ITSN2: variants seen among roughly 807,000 people sequenced by gnomAD.
ITSN2 encodes the protein intersectin-2.
In ITSN2, 156 loss-of-function variants were observed where a neutral mutation model predicts 243.7. The ratio of observed to expected loss-of-function variants is 0.64; its 90% CI spans 0.56 to 0.73. The LOEUF (loss-of-function observed/expected upper bound fraction) is 0.73. ITSN2 is among the 30% of genes least tolerant of loss of function. The pLI is 0.00. For missense variants in ITSN2, 1,801 were observed against 1,996.1 expected (o/e 0.90, Z 1.86); for synonymous variants, 703 against 699.9 (o/e 1.00, Z -0.07).
At chr2:24,214,065 A>T (rs1309246883) in intron 32 of ITSN2, among the ~76,000 whole-genome samples, 2 of 152,268 alleles carry the variant, frequency 1.3e-5, no homozygotes, top group African/African-American at 4.8e-5. Flanking sequence ...GCCTCTGGTC[A>T]CACAATTAGA....
At chr2:24,232,689 C>G (rs548440980) in intron 29 of ITSN2, among the ~76,000 whole-genome samples, 1 of 152,326 alleles carries the variant, frequency 6.6e-6, no homozygotes, top group South Asian at 2.1e-4. Context: ...GCTCTGACCC[C>G]TGCTCTATAA....
intron 1 of ITSN2, among the ~76,000 whole-genome samples, chr2:24,347,578 C>A (rs951241491): frequency 2.0e-5 from 3 of 152,004 alleles, no homozygotes; most frequent in African/African-American, 7.2e-5. Context: ...CCCAGCTACT[C>A]GGTAGGCTGA....
Position 24,204,031 on chromosome 2 carries a change from G to A in ITSN2, c.4936+214C>T, listed in dbSNP as rs564690579. On this transcript the variant is annotated intron_variant, in intron 39 of 39. Transcript: ENST00000355123. The surrounding 1 kb of genome is among the most constrained non-coding windows in gnomAD (Gnocchi z 5.1). Reference sequence around the variant, plus strand: ...CAGGAGTGGTGTTCACGTCGTGTGTGTAGGGAGTGATGGGTCAAAGACCTG... The same window carrying A: ...CAGGAGTGGTGTTCACGTCGTGTGTATAGGGAGTGATGGGTCAAAGACCTG... 2 of 632,728 alleles carry A rather than the reference G, an allele frequency of 3.2e-6. No homozygotes were observed. Among genetic ancestry groups the A allele is most frequent in the East Asian group, 5.5e-5 (2 of 36,406 alleles). The allele number at this position is 632,728 out of a possible 1,614,324, so 39.2% of individuals were successfully genotyped here. A position where few individuals can be genotyped will look rare whatever the true frequency, so the allele number is the denominator to read the frequency against.
chr2:24,231,012 A>ACCCCC (rs74277507), intron 29 of ITSN2, among the ~76,000 whole-genome samples: 148,965 of 152,152 alleles, frequency 0.98, 72,923 homozygotes, highest in East Asian at 0.99. Flanking sequence ...CAGGTGCAAA[A>ACCCCC]TCTGCCCAGA....
chr2:24,346,775 A>T (rs1045226313), intron 1 of ITSN2, among the ~76,000 whole-genome samples: 1 of 152,172 alleles, frequency 6.6e-6, no homozygotes, highest in African/African-American at 2.4e-5. Context: ...CCTCAGAAGT[A>T]GAAGAGTATA....
At chr2:24,293,813 ATAATATTGT>A (rs778509537) in intron 14 of ITSN2, 38 bp from the exon 15 acceptor site, 6 of 627,264 alleles carry the variant, frequency 9.6e-6, no homozygotes, top group African/African-American at 1.9e-5. Context: ...TTACAATGTT[ATAATATTGT>A]CCAAGAGTTT....
chr2:24,247,425 T>C (rs1297677648), intron 27 of ITSN2, among the ~76,000 whole-genome samples: 3 of 152,182 alleles, frequency 2.0e-5, no homozygotes, highest in Non-Finnish European at 4.4e-5. Flanking sequence ...TATCCTTTCA[T>C]TGCAATAAAC....
intron 1 of ITSN2, among the ~76,000 whole-genome samples, chr2:24,338,609 T>G (rs1318904888): frequency 6.6e-6 from 1 of 152,236 alleles, no homozygotes; most frequent in African/African-American, 2.4e-5. Context: ...AAGATGAAAT[T>G]TACAGAATAC....
chr2:24,310,254 T>C (rs1683089008), intron 7 of ITSN2, 30 bp downstream of exon 7: 3 of 1,397,284 alleles, frequency 2.1e-6, no homozygotes, highest in South Asian at 1.2e-5. Flanking sequence ...ACTGAAAGCA[T>C]AAAAAGTTGT....
chr2:24,354,835 C>CCCTA (rs1558675592), intron 1 of ITSN2, among the ~76,000 whole-genome samples: 3 of 152,066 alleles, frequency 2.0e-5, no homozygotes, highest in African/African-American at 7.2e-5. Flanking sequence ...AAATGTTTAC[C>CCCTA]GTCTGGTAAT....
At position 24,247,578 on chromosome 2, in the gene ITSN2, AGCCTTTC is replaced by A. The variant is rs558957080; in HGVS notation, c.3289-692_3289-686del. Among the ~76,000 whole-genome samples the A allele has an allele frequency of 7.2e-5, 11 of 152,328 alleles. 1 individual carries two copies. In the South Asian group the frequency reaches 2.3e-3, roughly 32 times the overall value. On this transcript the variant is annotated intron_variant, in intron 27 of 39. Transcript: ENST00000355123. Reference sequence around the variant, plus strand: ...TCTTGGGGGCCTCGAACTCAGCATTAGCCTTTCAAGTAAACATTAAACAACTGGAAGA... The same window carrying A: ...TCTTGGGGGCCTCGAACTCAGCATTAAAGTAAACATTAAACAACTGGAAGA...
intron 1 of ITSN2, among the ~76,000 whole-genome samples, chr2:24,349,384 G>A (rs940534601): frequency 3.9e-4 from 59 of 152,212 alleles, no homozygotes; most frequent in African/African-American, 1.3e-3. Context: ...TATTTAATTT[G>A]AGTGGTCATA....
At chr2:24,356,222 G>T (rs1406459162) in intron 1 of ITSN2, among the ~76,000 whole-genome samples, 1 of 145,752 alleles carries the variant, frequency 6.9e-6, no homozygotes, top group Non-Finnish European at 1.5e-5. Flanking sequence ...AAAAATAGCT[G>T]GACGTGGTGG....
Position 24,300,020 on chromosome 2 carries a change from T to C in ITSN2, c.1233A>G (p.Leu411=), listed in dbSNP as rs1681517618. ...GTTGTTTCTTCCATTCTTGTTCTTGTAATTCTCTCTGTTTTCGTTCCCACT... is the reference window on the plus strand; with the variant it reads ...GTTGTTTCTTCCATTCTTGTTCTTGCAATTCTCTCTGTTTTCGTTCCCACT... ...KEEWERKQRE[L]QEQEWKKQLE... The change falls in exon 12 of 40, where the codon TTA becomes TTG. Residue 411 remains leucine (L), a synonymous_variant. Coordinates refer to ENST00000355123, the MANE Select transcript of ITSN2 (RefSeq NM_006277.3). The C allele has an allele frequency of 1.2e-6, 2 of 1,614,114 alleles. No individual in the cohort carries two copies. The highest frequency in any genetic ancestry group is 2.2e-5 in the South Asian group (2 of 91,086).
intron 29 of ITSN2, among the ~76,000 whole-genome samples, chr2:24,227,874 G>A (rs1357867345): frequency 1.3e-5 from 2 of 152,020 alleles, no homozygotes; most frequent in Non-Finnish European, 2.9e-5. Context: ...AGCCAAGATC[G>A]TGCCATTGCA....
At chr2:24,230,033 T>C (rs1016971868) in intron 29 of ITSN2, among the ~76,000 whole-genome samples, 5 of 152,224 alleles carry the variant, frequency 3.3e-5, no homozygotes, top group South Asian at 2.1e-4. Flanking sequence ...TATGTACTGA[T>C]AGGCTCCCAA....
At chr2:24,236,386 G>T (rs891959888) in intron 29 of ITSN2, among the ~76,000 whole-genome samples, 6 of 152,166 alleles carry the variant, frequency 3.9e-5, no homozygotes, top group African/African-American at 1.4e-4. Flanking sequence ...ATTGTACAGA[G>T]ATTCATTTTG....
At chr2:24,209,056 C>T in intron 36 of ITSN2, 44 bp downstream of exon 36, 6 of 1,607,812 alleles carry the variant, frequency 3.7e-6, no homozygotes, top group Non-Finnish European at 5.1e-6. Flanking sequence ...ACGTCCAGGC[C>T]TTCTCCCAGA....
At chr2:24,253,051 T>A (rs1366531958) in intron 24 of ITSN2, among the ~76,000 whole-genome samples, 1 of 152,114 alleles carries the variant, frequency 6.6e-6, no homozygotes, top group Non-Finnish European at 1.5e-5. Flanking sequence ...TGACTTGGAG[T>A]AGACGCTCGA....
Sources: gnomAD v4.1 joint callset for allele counts (sites outside exome capture counted in the v4.1 genomes callset) on GRCh38, gnomAD v4.1.1 for gene constraint, Gnocchi (gnomAD v3.1) non-coding constraint, MANE v1.5 for transcripts, NCBI Gene and HGNC (gene_info 2026-07-23, HGNC 2026-07-21) for gene names.